Variants in RAB7A observed in about 807,000 individuals in gnomAD.
RAB7A encodes the protein RAB7A, member RAS oncogene family.
Under a neutral mutation model 24.5 loss-of-function variants are expected in RAB7A, and 2 were observed. That is an observed-to-expected ratio of 0.08 (90% confidence interval 0.03 to 0.26). The LOEUF (loss-of-function observed/expected upper bound fraction) is 0.26. RAB7A is among the 10% of genes least tolerant of loss of function. RAB7A has a pLI of 1.00. For missense variants in RAB7A, 118 were observed against 255.7 expected (o/e 0.46, Z 3.67); for synonymous variants, 100 against 95.9 (o/e 1.04, Z -0.25).
chr3:128,766,540 T>G (rs192976499), intron 1 of RAB7A, among the ~76,000 whole-genome samples: 176 of 152,286 alleles, frequency 1.2e-3, no homozygotes, highest in Non-Finnish European at 2.2e-3. Flanking sequence ...CATGATTTTC[T>G]TGGGGGAAGA....
chr3:128,785,311 G>A (rs1933314921), intron 1 of RAB7A: 1 of 152,166 alleles, frequency 6.6e-6, no homozygotes, highest in South Asian at 2.1e-4. Flanking sequence ...TGACCACCAG[G>A]TTGCCCAGGG....
chr3:128,740,477 G>A (rs1655487240), intron 1 of RAB7A, among the ~76,000 whole-genome samples: 1 of 152,130 alleles, frequency 6.6e-6, no homozygotes, highest in African/African-American at 2.4e-5. Flanking sequence ...CCTTCAGGAA[G>A]GTTGTATACT....
chr3:128,766,150 C>G (rs2070829304), intron 1 of RAB7A, among the ~76,000 whole-genome samples: 1 of 152,134 alleles, frequency 6.6e-6, no homozygotes, highest in African/African-American at 2.4e-5. Flanking sequence ...CAGAGCAGCC[C>G]CTCTACTTAG....
intron 1 of RAB7A, among the ~76,000 whole-genome samples, chr3:128,768,354 T>G (rs180852515): frequency 6.6e-6 from 1 of 152,324 alleles, no homozygotes; most frequent in Admixed American, 6.5e-5. Flanking sequence ...TGATTCACGT[T>G]TCTGGCTGTT....
intron 3 of RAB7A, among the ~76,000 whole-genome samples, chr3:128,802,769 G>T (rs949797226): frequency 6.6e-6 from 1 of 150,702 alleles, no homozygotes; most frequent in Non-Finnish European, 1.5e-5. Context: ...AGCCTCCCAC[G>T]GCGCTGGGAT....
chr3:128,811,036 A>G (rs1456160447), intron 5 of RAB7A, among the ~76,000 whole-genome samples: 1 of 151,986 alleles, frequency 6.6e-6, no homozygotes, highest in Non-Finnish European at 1.5e-5. Context: ...CCTGGGCAAC[A>G]AGAGCGAAAC....
chr3:128,751,019 G>A (rs781277189), intron 1 of RAB7A, among the ~76,000 whole-genome samples: 12 of 152,232 alleles, frequency 7.9e-5, no homozygotes, highest in Non-Finnish European at 1.5e-4. Context: ...CTGAGTCTGC[G>A]AGTGCACAGA....
intron 1 of RAB7A, among the ~76,000 whole-genome samples, chr3:128,786,084 T>A (rs1404115284): frequency 6.6e-6 from 1 of 152,238 alleles, no homozygotes; most frequent in South Asian, 2.1e-4. Flanking sequence ...TGAATATTTT[T>A]AGAAACCAAG....
intron 1 of RAB7A, among the ~76,000 whole-genome samples, chr3:128,782,554 T>C (rs1290710787): frequency 6.6e-6 from 1 of 151,970 alleles, no homozygotes; most frequent in East Asian, 1.9e-4. Context: ...CAAAAGTGAC[T>C]GTACCTTCTG....
intron 1 of RAB7A, among the ~76,000 whole-genome samples, chr3:128,766,329 CA>C (rs79459775): frequency 0.05 from 7,627 of 152,200 alleles, 322 homozygotes; most frequent in East Asian, 0.17. Flanking sequence ...ACAGTGAAAC[CA>C]AGTAAATAAC....
At chr3:128,783,595 G>A (rs141760099) in intron 1 of RAB7A, among the ~76,000 whole-genome samples, 14 of 152,084 alleles carry the variant, frequency 9.2e-5, no homozygotes, top group Admixed American at 7.9e-4. Context: ...TTATGTGCCC[G>A]CTCAGGCCTC....
At chr3:128,797,208 C>T (rs927226356) in intron 2 of RAB7A, among the ~76,000 whole-genome samples, 1 of 152,200 alleles carries the variant, frequency 6.6e-6, no homozygotes, top group East Asian at 1.9e-4. Flanking sequence ...ACACTGCCTT[C>T]GGCTGTCTAG....
intron 1 of RAB7A, among the ~76,000 whole-genome samples, chr3:128,759,655 T>A (rs777352610): frequency 6.6e-6 from 1 of 152,214 alleles, no homozygotes; most frequent in Non-Finnish European, 1.5e-5. Context: ...CACCCCATGG[T>A]ACCTGAACCT....
At chr3:128,770,034 G>A (rs1471425258) in intron 1 of RAB7A, among the ~76,000 whole-genome samples, 2 of 143,090 alleles carry the variant, frequency 1.4e-5, no homozygotes, top group Non-Finnish European at 3.0e-5. Flanking sequence ...ACGGAGTCTC[G>A]CTCTGTCACC....
chr3:128,747,564 CA>C (rs1461674254), intron 1 of RAB7A, among the ~76,000 whole-genome samples: 1 of 150,754 alleles, frequency 6.6e-6, no homozygotes, highest in African/African-American at 2.5e-5. Flanking sequence ...CCAGCCTGGG[CA>C]AGAAGAGCAA....
intron 1 of RAB7A, among the ~76,000 whole-genome samples, chr3:128,737,835 T>TG (rs2070507383): frequency 1.3e-5 from 1 of 75,604 alleles, no homozygotes; most frequent in Non-Finnish European, 2.9e-5. Flanking sequence ...GTTTTTTTTT[T>TG]TTTTTTTTTT....
intron 3 of RAB7A, 50 bp from the exon 4 acceptor site, chr3:128,806,322 G>T (rs1297695948): frequency 2.0e-6 from 3 of 1,529,824 alleles, no homozygotes; most frequent in African/African-American, 2.8e-5. Context: ...ACATGCTCCT[G>T]GTGCTCTGCC....
intron 1 of RAB7A, among the ~76,000 whole-genome samples, chr3:128,727,576 G>C (rs771757624): frequency 6.6e-5 from 10 of 152,232 alleles, no homozygotes; most frequent in Non-Finnish European, 1.3e-4. Context: ...AGGAGCTCTT[G>C]AATACCGGCA....
intron 1 of RAB7A, among the ~76,000 whole-genome samples, chr3:128,751,819 C>T (rs913919332): frequency 4.6e-5 from 7 of 152,134 alleles, no homozygotes; most frequent in South Asian, 2.1e-4. Context: ...GAATTCCCAT[C>T]GGTTATGGGA....
Sources: gnomAD v4.1 joint callset for allele counts (sites outside exome capture counted in the v4.1 genomes callset) on GRCh38, gnomAD v4.1.1 for gene constraint, MANE v1.5 for transcripts, NCBI Gene and HGNC (gene_info 2026-07-23, HGNC 2026-07-21) for gene names.